Variants in MYO1H observed in about 807,000 individuals in gnomAD.
MYO1H encodes the protein unconventional myosin-Ih.
MYO1H carries 118 observed loss-of-function variants against 149.3 expected under a neutral mutation model. The ratio of observed to expected loss-of-function variants is 0.79; its 90% CI spans 0.68 to 0.92. The LOEUF (loss-of-function observed/expected upper bound fraction) is 0.92. Ranked by LOEUF, MYO1H falls within the 40% of genes least tolerant of loss-of-function variation. The probability of loss-of-function intolerance (pLI) is 0.00; values close to 1 mark genes in which losing one functional copy is unlikely to be tolerated. For synonymous variants in MYO1H, 447 were observed against 465.2 expected (o/e 0.96, Z 0.50); for missense variants, 1,212 against 1,280.7 (o/e 0.95, Z 0.82).
chr12:109,418,474 C>A lies in MYO1H; in HGVS notation c.1598-2507C>A, dbSNP rs764210724. Reference sequence around the variant, plus strand: ...AAGCGATTCTCCTGCCTCAGCCTCCCGAGTAGCTGGGATTATAGATGTCCG... The same window carrying A: ...AAGCGATTCTCCTGCCTCAGCCTCCAGAGTAGCTGGGATTATAGATGTCCG... On this transcript the variant is annotated intron_variant, in intron 15 of 31. Transcript: ENST00000310903. Among the ~76,000 whole-genome samples the A allele has an allele frequency of 2.0e-5, 3 of 152,110 alleles. No individual in the cohort carries two copies. The South Asian group carries it at 6.2e-4, about 32-fold the overall frequency.
intron 1 of MYO1H, among the ~76,000 whole-genome samples, chr12:109,352,955 T>TAC (rs1365773055): frequency 6.6e-6 from 1 of 151,696 alleles, no homozygotes; most frequent in African/African-American, 2.4e-5. Flanking sequence ...GCCCCACTAT[T>TAC]ACCTCAAAAG....
upstream of MYO1H, among the ~76,000 whole-genome samples, chr12:109,344,446 C>T (rs768179243): frequency 9.9e-5 from 15 of 152,080 alleles, no homozygotes; most frequent in Non-Finnish European, 2.1e-4. Flanking sequence ...AAGACTTGAA[C>T]GCTGAAAACT....
At chr12:109,388,574 C>A in intron 1 of MYO1H, 109 bp from the exon 2 acceptor site, 1 of 988,458 alleles carries the variant, frequency 1.0e-6, no homozygotes, top group Non-Finnish European at 1.4e-6. Flanking sequence ...TAATTTAATG[C>A]TGGCTCTCTA....
At chr12:109,435,801 C>T (rs541373618) in intron 21 of MYO1H, among the ~76,000 whole-genome samples, 2 of 152,342 alleles carry the variant, frequency 1.3e-5, no homozygotes, top group African/African-American at 2.4e-5. Context: ...AGCCTAGCTG[C>T]GGTTTGAACC....
At chr12:109,358,846 TAAAAAAAAAAA>T (rs541289093) in intron 1 of MYO1H, among the ~76,000 whole-genome samples, 5 of 84,556 alleles carry the variant, frequency 5.9e-5, no homozygotes, top group Admixed American at 5.8e-4. Flanking sequence ...CCTGTGGTGT[TAAAAAAAAAAA>T]AAAAAAAAAA....
intron 15 of MYO1H, among the ~76,000 whole-genome samples, chr12:109,416,202 G>A (rs1281173282): frequency 6.6e-6 from 1 of 152,040 alleles, no homozygotes; most frequent in Non-Finnish European, 1.5e-5. Flanking sequence ...GATTACAGGT[G>A]TGAGCCACCA....
At chr12:109,375,795 T>A (rs1472391828) in intron 1 of MYO1H, among the ~76,000 whole-genome samples, 1 of 152,018 alleles carries the variant, frequency 6.6e-6, no homozygotes, top group Non-Finnish European at 1.5e-5. Context: ...CTGGGCAATA[T>A]GGCAAAACCC....
intron 20 of MYO1H, among the ~76,000 whole-genome samples, chr12:109,433,848 T>C (rs1247008916): frequency 1.3e-5 from 2 of 152,136 alleles, no homozygotes; most frequent in Non-Finnish European, 2.9e-5. Context: ...GTCTGTCCCC[T>C]GTTCCATAAA....
At chr12:109,327,564 G>A in the MYO1H span, among the ~76,000 whole-genome samples, 5 of 151,646 alleles carry the variant, frequency 3.3e-5, no homozygotes, top group African/African-American at 4.8e-5. Flanking sequence ...TGGCTAACAC[G>A]GCAAAACCCT....
At chr12:109,427,316 C>CA (rs34644066) in intron 18 of MYO1H, among the ~76,000 whole-genome samples, 153 bp from the exon 19 acceptor site, 14,916 of 101,072 alleles carry the variant, frequency 0.15, 1,072 homozygotes, top group Middle Eastern at 0.2. Context: ...AACCCCATCT[C>CA]AAAAAAAAAA....
rs546475839 is a variant in MYO1H at position 109,432,041 on chromosome 12, G to A, written c.1950-856G>A. ...TTTTGAGATGGAGTCTTGCTCTGTCGCCCAGGCTGGAGTACAGTGGCGCAA... is the reference window on the plus strand; with the variant it reads ...TTTTGAGATGGAGTCTTGCTCTGTCACCCAGGCTGGAGTACAGTGGCGCAA... On this transcript the variant is annotated intron_variant, in intron 19 of 31. Coordinates refer to ENST00000310903, the Ensembl canonical transcript of MYO1H. Among the ~76,000 whole-genome samples the A allele has an allele frequency of 8.5e-4, 100 of 117,988 alleles. 1 individual carries two copies. Among genetic ancestry groups the A allele is most frequent in the East Asian group, 3.6e-3 (14 of 3,924 alleles). The allele number at this position is 117,988 out of a possible 152,430, so 77.4% of individuals were successfully genotyped here. A position where few individuals can be genotyped will look rare whatever the true frequency, so the allele number is the denominator to read the frequency against.
chr12:109,437,632 G>A (rs1219325969), intron 22 of MYO1H, among the ~76,000 whole-genome samples: 1 of 152,152 alleles, frequency 6.6e-6, no homozygotes, highest in African/African-American at 2.4e-5. Context: ...TAAACAAGTG[G>A]CAGGCTGTAG....
At chr12:109,403,905 C>T in intron 6 of MYO1H, 77 bp from the exon 7 acceptor site, 1 of 954,704 alleles carries the variant, frequency 1.0e-6, no homozygotes, top group Non-Finnish European at 1.7e-6. Flanking sequence ...CTAGCTTTTG[C>T]ATCTTCAGAG....
exon 29 of MYO1H, chr12:109,444,233 A>G: frequency 6.2e-7 from 1 of 1,613,744 alleles, no homozygotes; most frequent in South Asian, 1.1e-5. Flanking sequence ...TAGCAATCTG[A>G]GTGATGGAAT....
At chr12:109,343,907 TC>T (rs1165215645), upstream of MYO1H, among the ~76,000 whole-genome samples, 1 of 152,216 alleles carries the variant, frequency 6.6e-6, no homozygotes, top group Non-Finnish European at 1.5e-5. Flanking sequence ...ATAAGCTATT[TC>T]TTTAGTTTTT....
rs1868563431 is a variant in MYO1H, at chr12:109,355,275, T to C, written c.12+7303T>C. ...CAGGGGAATAACAATTCTCCTTACGTGCAATCTTCCTTAACTTAATCTTTA... is the reference window on the plus strand; with the variant it reads ...CAGGGGAATAACAATTCTCCTTACGCGCAATCTTCCTTAACTTAATCTTTA... On this transcript the variant is annotated intron_variant, in intron 1 of 31. Transcript: ENST00000310903. Among the ~76,000 whole-genome samples, 2 of 152,168 alleles carry C rather than the reference T, an allele frequency of 1.3e-5. 1 individual carries two copies. Among genetic ancestry groups the C allele is most frequent in the South Asian group, 4.1e-4 (2 of 4,820 alleles).
intron 23 of MYO1H, chr12:109,439,421 T>C: frequency 4.3e-6 from 2 of 460,442 alleles, no homozygotes; most frequent in Middle Eastern, 5.9e-4. Flanking sequence ...CTTTTTAAAA[T>C]TGGCAGCTAA....
intron 10 of MYO1H, among the ~76,000 whole-genome samples, chr12:109,408,245 A>C (rs951636602): frequency 1.3e-5 from 2 of 152,090 alleles, no homozygotes; most frequent in Non-Finnish European, 2.9e-5. Flanking sequence ...TGCAATCATA[A>C]CTTGCAACTT....
At chr12:109,399,938 C>G (rs2137048370) in intron 5 of MYO1H, among the ~76,000 whole-genome samples, 1 of 152,226 alleles carries the variant, frequency 6.6e-6, no homozygotes, top group Non-Finnish European at 1.5e-5. Flanking sequence ...AATCCAAAAG[C>G]TTTTCCTGCC....
Sources: allele counts gnomAD v4.1 joint callset (sites outside exome capture counted in the v4.1 genomes callset), GRCh38; gene constraint gnomAD v4.1.1; transcripts MANE v1.5; gene names NCBI Gene and HGNC (gene_info 2026-07-23, HGNC 2026-07-21).